The following PKD1 variants were observed in gnomAD, a reference collection of about 807,000 sequenced individuals.
PKD1 encodes polycystin 1, transient receptor potential channel interacting.
PKD1 carries 81 observed loss-of-function variants against 361.7 expected under a neutral mutation model. The observed-to-expected ratio is 0.22, with a 90% confidence interval of 0.19 to 0.27. The LOEUF is 0.27. Ranked by LOEUF, PKD1 falls within the 10% of genes least tolerant of loss-of-function variation. PKD1 has a pLI of 1.00. For missense variants in PKD1, 6,399 were observed against 6,118.3 expected (o/e 1.05, Z -1.53); for synonymous variants, 3,615 against 2,818.3 (o/e 1.28, Z -8.95).
In PKD1 at chr16:2,108,594, G is replaced by A. The variant is rs949370419; in HGVS notation, c.6573C>T (p.Arg2191=). 1.9e-6 allele frequency: 3 copies of A among 1,558,254 alleles called. No individual in the cohort carries two copies. The highest frequency in any genetic ancestry group is 2.6e-6 in the Non-Finnish European group (3 of 1,151,750). ...YQTEYRWEVY[R]TASCQRPGRP... Reference sequence around the variant, plus strand: ...GCCCCGGCCGCTGGCAGCTGGCGGTGCGATACACCTCCCAGCGGTACTCAG... The same window carrying A: ...GCCCCGGCCGCTGGCAGCTGGCGGTACGATACACCTCCCAGCGGTACTCAG... Residue 2191 remains arginine (R), a synonymous_variant, in exon 15 of 46, where the codon CGC becomes CGT. Transcript: ENST00000262304.
chr16:2,131,242 T>C (rs2092874702), intron 1 of PKD1, among the ~76,000 whole-genome samples: 1 of 152,110 alleles, frequency 6.6e-6, no homozygotes, highest in African/African-American at 2.4e-5. Context: ...AGACAGGCGG[T>C]GGCTCAAGCC....
chr16:2,126,225 G>A (rs943802278), intron 1 of PKD1, among the ~76,000 whole-genome samples: 4 of 152,262 alleles, frequency 2.6e-5, no homozygotes, highest in East Asian at 1.9e-4. Context: ...CAGCTGTGAC[G>A]TTCCCTGGGC....
rs1178435573 is a variant in PKD1 at position 2,111,701 on chromosome 16, C to G, written c.3466G>C (p.Gly1156Arg). 6.3e-7 allele frequency: 1 copy of G among 1,583,942 alleles called. No homozygotes were observed. Among genetic ancestry groups the G allele is most frequent in the East Asian group, 2.3e-5 (1 of 43,556 alleles). ...CCGAAGTCCCACGTGTAAAGAACAC[C>G]CCCAGGCGAGGGCAGCGGGTGCGGG... ...FYPHPLPSPG[G>R]VLYTWDFGDG... Residue 1156 changes from glycine (G) to arginine (R), a missense_variant, in exon 15 of 46, where the codon GGT becomes CGT. Physicochemically the swap from Gly to Arg is moderately radical, Grantham distance 125 (BLOSUM62 -2). Coordinates refer to ENST00000262304, the MANE Select transcript of PKD1 (RefSeq NM_001009944.3).
chr16:2,108,012 C>G lies in PKD1; in HGVS notation c.6936G>C (p.Ala2312=). The G allele has an allele frequency of 1.3e-6, 2 of 1,548,932 alleles. No homozygotes were observed. The highest frequency in any genetic ancestry group is 2.4e-5 in the East Asian group (1 of 41,132). ...ASTQREAGGC[A]LNFGPRGSST... is the part of the protein sequence containing the mutation. ...TGCTCCCGCGGGGCCCAAAGTTCAG[C>G]GCACACCCGCCAGCCTCCCTCTGCA... Residue 2312 remains alanine, a synonymous_variant, in exon 16 of 46, where the codon GCG becomes GCC. Coordinates refer to ENST00000262304, the MANE Select transcript of PKD1 (RefSeq NM_001009944.3).
intron 1 of PKD1, among the ~76,000 whole-genome samples, chr16:2,128,727 CAG>C (rs2092829458): frequency 6.6e-6 from 1 of 152,136 alleles, no homozygotes; most frequent in Admixed American, 6.5e-5. Flanking sequence ...CTTTTTGAGA[CAG>C]AGTTTCACTC....
chr16:2,126,159 G>A (rs1229549628), intron 1 of PKD1, among the ~76,000 whole-genome samples: 2 of 152,246 alleles, frequency 1.3e-5, no homozygotes, highest in Admixed American at 6.5e-5. Context: ...CCATCCTGAG[G>A]CCAGGGCCAC....
rs781454286 is a variant in PKD1 at position 2,109,301 on chromosome 16, C to T, written c.5866G>A (p.Val1956Met). The change falls in exon 15 of 46, where the codon GTG becomes ATG. Residue 1956 changes from valine to methionine, a missense_variant. Val to Met is a conservative substitution (Grantham distance 21). Transcript: ENST00000262304. ...CGCACCTGCGCCTGGGCCCAGCTCA[C>T]GTGGTTTTTGCCCCGCACGCTCACC... ...HVVSVRGKNHVSWAQAQVRIV... is the reference protein window; with the variant it reads ...HVVSVRGKNHMSWAQAQVRIV... 19 of 1,585,036 alleles carry T rather than the reference C, an allele frequency of 1.2e-5. No individual in the cohort carries two copies. Among genetic ancestry groups the T allele is most frequent in the African/African-American group, 9.4e-5 (7 of 74,534 alleles).
intron 16 of PKD1, chr16:2,107,259 T>C: frequency 2.3e-6 from 1 of 443,536 alleles, no homozygotes; most frequent in South Asian, 2.0e-5. Context: ...GACGTATGTG[T>C]GGGTGTGAGG....
intron 37 of PKD1, 55 bp from the exon 38 acceptor site, chr16:2,093,148 G>T: frequency 4.4e-6 from 7 of 1,603,920 alleles, no homozygotes; most frequent in Non-Finnish European, 6.0e-6. Flanking sequence ...AGTGACAGCA[G>T]GGCTTTGGCA....
intron 1 of PKD1, among the ~76,000 whole-genome samples, chr16:2,132,646 A>T (rs1163242755): frequency 1.3e-5 from 2 of 151,678 alleles, no homozygotes; most frequent in African/African-American, 4.9e-5. Flanking sequence ...TTGGCTCTTA[A>T]TTCAAACTAT....
chr16:2,092,686 T>G, intron 38 of PKD1, 94 bp from the exon 39 acceptor site: 1 of 961,492 alleles, frequency 1.0e-6, no homozygotes, highest in Non-Finnish European at 1.6e-6. Flanking sequence ...TGGCTCCCAC[T>G]GCCCTGCTGG....
intron 16 of PKD1, 100 bp from the exon 17 acceptor site, chr16:2,107,048 C>T: frequency 1.7e-6 from 2 of 1,174,464 alleles, no homozygotes; most frequent in Non-Finnish European, 2.5e-6. Flanking sequence ...CCAGGTTTCC[C>T]AGGGGCCTGG....
At chr16:2,092,296 A>C in intron 39 of PKD1, 108 bp from the exon 40 acceptor site, 2 of 1,255,330 alleles carry the variant, frequency 1.6e-6, no homozygotes, top group South Asian at 2.6e-5. Flanking sequence ...CACCCCAGGG[A>C]ACCCTCCCAG....
intron 1 of PKD1, among the ~76,000 whole-genome samples, chr16:2,120,634 C>A (rs71240559): frequency 6.6e-6 from 1 of 152,136 alleles, no homozygotes; most frequent in Non-Finnish European, 1.5e-5. Context: ...CCAGGGAAGT[C>A]GAGGCTGCAG....
rs941974355 is a variant in PKD1, at chr16:2,089,458, C to CG, written c.*268dup. ...GCACAGCCCGCTGTACCTGAGGACT[C>CG]GGGGAAATAAATTAGCATCTCAGAG... On this transcript the variant is annotated 3_prime_UTR_variant, in exon 46 of 46. Coordinates refer to ENST00000262304, the MANE Select transcript of PKD1 (RefSeq NM_001009944.3). The CG allele has an allele frequency of 3.1e-5, 17 of 540,468 alleles. No homozygotes were observed. In the East Asian group the frequency reaches 3.4e-4, roughly 11 times the overall value. The allele number at this position is 540,468 out of a possible 1,614,324, so 33.5% of individuals were successfully genotyped here. A position where few individuals can be genotyped will look rare whatever the true frequency, so the allele number is the denominator to read the frequency against.
chr16:2,106,990 G>A lies in PKD1; in HGVS notation c.7066-42C>T, dbSNP rs1307362186. On this transcript the variant is annotated intron_variant, in intron 16 of 45. Coordinates refer to ENST00000262304, the MANE Select transcript of PKD1 (RefSeq NM_001009944.3). This position sits in a 1 kb window ranked among gnomAD's most constrained non-coding sequence, Gnocchi z 6.5. ...GTTACCTCCAACACAGGTCTATTTG[G>A]CCTGCTGGAAGGACTGGGGGACCCA... The A allele has an allele frequency of 6.4e-7, 1 of 1,571,376 alleles. No individual in the cohort carries two copies. The highest frequency in any genetic ancestry group is 8.6e-7 in the Non-Finnish European group (1 of 1,159,024).
At chr16:2,113,753 G>C (rs1240003654) in intron 11 of PKD1, 5 of 365,704 alleles carry the variant, frequency 1.4e-5, no homozygotes, top group Middle Eastern at 1.7e-3. Context: ...CCGCAAGATG[G>C]AGACAGCCCT....
In PKD1 at chr16:2,100,335, G is replaced by C. The variant is rs577350634; in HGVS notation, c.9569-26C>G. 5 of 1,610,386 alleles carry C rather than the reference G, an allele frequency of 3.1e-6. No individual in the cohort carries two copies. In the South Asian group the frequency reaches 4.4e-5, roughly 14 times the overall value. On this transcript the variant is annotated intron_variant, in intron 27 of 45. Coordinates refer to ENST00000262304, the MANE Select transcript of PKD1 (RefSeq NM_001009944.3). The surrounding 1 kb of genome is among the most constrained non-coding windows in gnomAD (Gnocchi z 4.4). ...CTGCAGAGGCGCAGGAGGGAGGTCA[G>C]GCTCGCAGGGCGCCCCAATGCGGGG...
rs1205608287 is a variant in PKD1 at position 2,109,299 on chromosome 16, C to A, written c.5868G>T (p.Val1956=). The A allele has an allele frequency of 6.3e-7, 1 of 1,585,186 alleles. No individual in the cohort carries two copies. The highest frequency in any genetic ancestry group is 1.7e-5 in the Admixed American group (1 of 59,450). ...HVVSVRGKNH[V]SWAQAQVRIV... is the part of the protein sequence containing the mutation. ...TGCGCACCTGCGCCTGGGCCCAGCT[C>A]ACGTGGTTTTTGCCCCGCACGCTCA... The change falls in exon 15 of 46, where the codon GTG becomes GTT. Residue 1956 remains valine, a synonymous_variant. Coordinates refer to ENST00000262304, the MANE Select transcript of PKD1 (RefSeq NM_001009944.3).
Sources: gnomAD v4.1 joint callset for allele counts (sites outside exome capture counted in the v4.1 genomes callset) on GRCh38, gnomAD v4.1.1 for gene constraint, Gnocchi (gnomAD v3.1) non-coding constraint, MANE v1.5 for transcripts, NCBI Gene and HGNC (gene_info 2026-07-23, HGNC 2026-07-21) for gene names.